The following TPO variants were observed in gnomAD, a reference collection of about 807,000 sequenced individuals.
TPO encodes the protein thyroid microsomal antigen.
Under a neutral mutation model 96.9 loss-of-function variants are expected in TPO, and 78 were observed. The observed-to-expected ratio is 0.81, with a 90% CI of 0.67 to 0.97. The LOEUF is 0.97. TPO is among the 50% of genes least tolerant of loss of function. TPO has a pLI of 0.00. For missense variants in TPO, 1,252 were observed against 1,274.8 expected (o/e 0.98, Z 0.27); for synonymous variants, 547 against 538.0 (o/e 1.02, Z -0.23).
Position 1,543,516 on chromosome 2 carries a change from A to C in TPO, c.*1042A>C. Reference sequence around the variant, plus strand: ...TTTATTTCGCTCTACTGTTATGTAGAGAAAGCATGGTTTGCTTTTTATAAC... The same window carrying C: ...TTTATTTCGCTCTACTGTTATGTAGCGAAAGCATGGTTTGCTTTTTATAAC... On this transcript the variant is annotated 3_prime_UTR_variant, in exon 17 of 17. Transcript: ENST00000329066. The C allele has an allele frequency of 6.6e-6, 1 of 152,072 alleles. No homozygotes were observed. The highest frequency in any genetic ancestry group is 1.5e-5 in the Non-Finnish European group (1 of 68,030). The allele number at this position is 152,072 out of a possible 1,614,324, so 9.4% of individuals were successfully genotyped here. A position where few individuals can be genotyped will look rare whatever the true frequency, so the allele number is the denominator to read the frequency against.
chr2:1,484,305 G>C (rs1224944854), intron 8 of TPO, among the ~76,000 whole-genome samples: 2 of 152,216 alleles, frequency 1.3e-5, no homozygotes, highest in Admixed American at 6.5e-5. Flanking sequence ...GCCCAGCCTG[G>C]CCCGGTGGCC....
chr2:1,375,426 AC>A (rs1455334247), intron 1 of TPO, among the ~76,000 whole-genome samples: 1 of 152,084 alleles, frequency 6.6e-6, no homozygotes, highest in Non-Finnish European at 1.5e-5. Context: ...GGGACCTGTG[AC>A]CCGAGCCTTT....
At chr2:1,421,861 A>G (rs989270795) in intron 2 of TPO, among the ~76,000 whole-genome samples, 10 of 152,038 alleles carry the variant, frequency 6.6e-5, no homozygotes, top group Non-Finnish European at 1.5e-4. Flanking sequence ...CCCACATTGC[A>G]CTGTCCCCAG....
chr2:1,486,241 C>A (rs1316580636), intron 9 of TPO, among the ~76,000 whole-genome samples: 1 of 152,140 alleles, frequency 6.6e-6, no homozygotes, highest in East Asian at 1.9e-4. Flanking sequence ...CTAAACTGGG[C>A]TCAGGCACGG....
chr2:1,518,845 C>T (rs1674963815), intron 15 of TPO, among the ~76,000 whole-genome samples: 1 of 152,318 alleles, frequency 6.6e-6, no homozygotes, highest in South Asian at 2.1e-4. Context: ...TTGCCCAGAA[C>T]ATATGTTTAT....
chr2:1,453,638 C>G, intron 5 of TPO, 56 bp from the exon 6 acceptor site: 1 of 1,613,266 alleles, frequency 6.2e-7, no homozygotes, highest in East Asian at 2.2e-5. Context: ...CTGGAACTCA[C>G]TGCTTCTGTG....
At chr2:1,520,093 C>T (rs1393448925) in intron 15 of TPO, among the ~76,000 whole-genome samples, 6 of 151,064 alleles carry the variant, frequency 4.0e-5, no homozygotes, top group Admixed American at 2.0e-4. Context: ...AGTCAGAGAC[C>T]ATAACAGGGA....
intron 10 of TPO, among the ~76,000 whole-genome samples, chr2:1,492,607 C>T (rs1280136335): frequency 6.6e-6 from 1 of 152,196 alleles, no homozygotes; most frequent in Non-Finnish European, 1.5e-5. Context: ...TGGAGGATGC[C>T]TGGCTATTTC....
intron 1 of TPO, among the ~76,000 whole-genome samples, chr2:1,404,164 AT>A (rs1268000718): frequency 6.6e-6 from 1 of 152,022 alleles, no homozygotes; most frequent in African/African-American, 2.4e-5. Context: ...CCAGGCAAGC[AT>A]TTTTTTCACC....
At chr2:1,437,965 G>A (rs1292409330) in intron 5 of TPO, among the ~76,000 whole-genome samples, 2 of 152,130 alleles carry the variant, frequency 1.3e-5, no homozygotes, top group Non-Finnish European at 2.9e-5. Context: ...TGGGAGTATG[G>A]GGACACTGAG....
chr2:1,514,025 G>T (rs1349223752), intron 14 of TPO, among the ~76,000 whole-genome samples: 1 of 152,184 alleles, frequency 6.6e-6, no homozygotes, highest in African/African-American at 2.4e-5. Flanking sequence ...ATATGTGAAA[G>T]CATCTCTATT....
At chr2:1,444,030 A>G (rs1666496670) in intron 5 of TPO, among the ~76,000 whole-genome samples, 1 of 142,326 alleles carries the variant, frequency 7.0e-6, no homozygotes, top group Non-Finnish European at 1.5e-5. Flanking sequence ...GTTGGAAGGG[A>G]ATGGAGCTGG....
chr2:1,494,701 C>G (rs936012206), intron 11 of TPO, among the ~76,000 whole-genome samples: 1 of 152,202 alleles, frequency 6.6e-6, no homozygotes, highest in Non-Finnish European at 1.5e-5. Context: ...TGGAACAACA[C>G]AGACAAAAGC....
chr2:1,489,134 TGACCA>T (rs1671457513), intron 10 of TPO, among the ~76,000 whole-genome samples: 3 of 140,534 alleles, frequency 2.1e-5, no homozygotes, highest in South Asian at 2.3e-4. Context: ...TGCCCACACA[TGACCA>T]GCACATGCCC....
In TPO at chr2:1,456,222, C is replaced by T. The variant is rs757051221; in HGVS notation, c.759C>T (p.Phe253=). The T allele has an allele frequency of 1.7e-5, 28 of 1,613,974 alleles. No individual in the cohort carries two copies. Among genetic ancestry groups the T allele is most frequent in the South Asian group, 1.2e-4 (11 of 91,088 alleles). ...CACAGAGCACCAGCAAAGCTGCCTT[C>T]GGGGGAGGGGCTGACTGCCAGATGA... is the stretch of plus-strand genomic sequence containing the variant. ...FTPQSTSKAA[F]GGGADCQMTC... is the part of the protein sequence containing the mutation. Residue 253 remains phenylalanine (F), a synonymous_variant, in exon 7 of 17, where the codon TTC becomes TTT. Coordinates refer to ENST00000329066, the MANE Select transcript of TPO (RefSeq NM_001206744.2).
chr2:1,539,720 C>G (rs1309167736), intron 15 of TPO, among the ~76,000 whole-genome samples: 1 of 152,098 alleles, frequency 6.6e-6, no homozygotes, highest in Non-Finnish European at 1.5e-5. Context: ...CGCGTTGACA[C>G]AGGGTCACGG....
chr2:1,408,330 G>T (rs1208298995), intron 1 of TPO, among the ~76,000 whole-genome samples: 1 of 152,218 alleles, frequency 6.6e-6, no homozygotes, highest in African/African-American at 2.4e-5. Flanking sequence ...TCCCTGTGAA[G>T]TAGTTAACTG....
In TPO at chr2:1,517,586, CTCACCT is replaced by C; in HGVS notation, c.2618+606_2618+611del. Among the ~76,000 whole-genome samples, 3 of 147,758 alleles carry C rather than the reference CTCACCT, an allele frequency of 2.0e-5. No individual in the cohort carries two copies. In the South Asian group the frequency reaches 6.8e-4, roughly 33 times the overall value. The stretch of plus-strand genomic sequence containing the variant: ...GCTGCCTCTCACCTTGCTGCTGCCT[CTCACCT>C]TGCTGCTGCCTCTCACCTTGCTGCT... On this transcript the variant is annotated intron_variant, in intron 15 of 16. Transcript: ENST00000329066.
At chr2:1,475,236 G>A (rs1025171604) in intron 7 of TPO, among the ~76,000 whole-genome samples, 11 of 151,764 alleles carry the variant, frequency 7.2e-5, no homozygotes, top group African/African-American at 2.7e-4. Flanking sequence ...CCATTCTTGG[G>A]GCCTCTGGGC....
Sources: allele counts gnomAD v4.1 joint callset (sites outside exome capture counted in the v4.1 genomes callset), GRCh38; gene constraint gnomAD v4.1.1; transcripts MANE v1.5; gene names NCBI Gene and HGNC (gene_info 2026-07-23, HGNC 2026-07-21).